Variants in DNAH9 observed in about 807,000 individuals in gnomAD.
DNAH9 encodes the protein dynein axonemal heavy chain 9.
DNAH9 carries 345 observed loss-of-function variants against 471.6 expected under a neutral mutation model. The observed-to-expected ratio is 0.73, with a 90% CI of 0.67 to 0.80. DNAH9 has a LOEUF of 0.80. Among genes scored for constraint, DNAH9 ranks in the 30% least tolerant of loss-of-function variants. The pLI is 0.00. For missense variants in DNAH9, 5,407 were observed against 5,609.2 expected, an observed-to-expected ratio of 0.96 and a Z score of 1.15; for synonymous variants, 2,093 against 2,123.6, an observed-to-expected ratio of 0.99 and a Z score of 0.40.
intron 41 of DNAH9, among the ~76,000 whole-genome samples, chr17:11,785,863 G>C (rs1003811700): frequency 6.6e-6 from 1 of 152,160 alleles, no homozygotes; most frequent in Non-Finnish European, 1.5e-5. Flanking sequence ...AGGAAAATAA[G>C]CATGTGATGG....
At chr17:11,799,444 G>A (rs745602117) in intron 43 of DNAH9, among the ~76,000 whole-genome samples, 18 of 152,066 alleles carry the variant, frequency 1.2e-4, no homozygotes, top group Non-Finnish European at 1.8e-4. Flanking sequence ...TCAGCTCCTT[G>A]CAAACTCTGC....
intron 61 of DNAH9, among the ~76,000 whole-genome samples, chr17:11,919,851 C>T (rs985488615): frequency 6.6e-6 from 1 of 151,836 alleles, no homozygotes; most frequent in African/African-American, 2.4e-5. Flanking sequence ...CAACATTTCA[C>T]TGAAGTAGAA....
At position 11,632,670 on chromosome 17, in the gene DNAH9, T is replaced by G. The variant is rs1313334054; in HGVS notation, c.1602T>G (p.Phe534Leu). The G allele has an allele frequency of 6.2e-7, 1 of 1,607,852 alleles. No homozygotes were observed. Among genetic ancestry groups the G allele is most frequent in the African/African-American group, 1.3e-5 (1 of 74,896 alleles). ...RRLGTIFIQA[F>L]DDAPGLEHAF... The stretch of plus-strand genomic sequence containing the variant: ...TGGGGACTATCTTTATTCAAGCTTT[T>G]GATGATGCACCTGGCTTGGAGCATG... Residue 534 changes from phenylalanine to leucine, a missense_variant, in exon 8 of 69, where the codon TTT (phenylalanine) becomes TTG (leucine). This residue lies in a region of DNAH9 where 767 missense variants were observed against 692.5 expected (regional missense o/e 1.11). Transcript: ENST00000262442.
At chr17:11,919,278 A>G (rs73298497) in intron 61 of DNAH9, among the ~76,000 whole-genome samples, 28,003 of 151,344 alleles carry the variant, frequency 0.19, 2,607 homozygotes, top group East Asian at 0.27. Context: ...AGCAGATCAC[A>G]AGGTCAGGAG....
chr17:11,768,800 A>G (rs1968077254), intron 37 of DNAH9, among the ~76,000 whole-genome samples, 174 bp downstream of exon 37: 1 of 152,166 alleles, frequency 6.6e-6, no homozygotes, highest in Non-Finnish European at 1.5e-5. Flanking sequence ...CACAGATTCT[A>G]CTAAAGGCCA....
At chr17:11,936,807 A>G (rs990597078) in intron 65 of DNAH9, among the ~76,000 whole-genome samples, 76 of 152,166 alleles carry the variant, frequency 5.0e-4, no homozygotes. Flanking sequence ...ACCTTTCACC[A>G]GGGGCGCAAA....
At chr17:11,758,095 G>T (rs1306582647) in intron 35 of DNAH9, among the ~76,000 whole-genome samples, 2 of 152,170 alleles carry the variant, frequency 1.3e-5, no homozygotes, top group Non-Finnish European at 2.9e-5. Flanking sequence ...ACTTATTGGT[G>T]ACCTGTGGGG....
In DNAH9 at chr17:11,598,885, T is replaced by A; in HGVS notation, c.387T>A (p.Pro129=). The part of the protein sequence containing the change: ...AVVCGDLPAA[P]LEHLAALFSE... ...TCTGCGGGGACCTGCCCGCGGCACC[T>A]CTGGAGCACCTAGCCGCGCTGTTCT... is the stretch of plus-strand genomic sequence containing the variant. Residue 129 remains proline, a synonymous_variant, in exon 1 of 69, where the codon CCT becomes CCA. Coordinates refer to ENST00000262442, the MANE Select transcript of DNAH9 (RefSeq NM_001372.4). 1 of 1,540,102 alleles carries A rather than the reference T, an allele frequency of 6.5e-7. No individual in the cohort carries two copies. The highest frequency in any genetic ancestry group is 2.5e-5 in the East Asian group (1 of 39,328).
Position 11,648,454 on chromosome 17 carries a change from A to G in DNAH9, c.2097+1256A>G, listed in dbSNP as rs138816303. ...GAATATCTGGATTACCAAGTAGGCC[A>G]CAGTTTCCATGTTGTAATATAGTAA... On this transcript the variant is annotated intron_variant, in intron 12 of 68. Transcript: ENST00000262442. Among the ~76,000 whole-genome samples, 541 of 152,240 alleles carry G rather than the reference A, an allele frequency of 3.6e-3. 3 individuals are homozygous for G. Among genetic ancestry groups the G allele is most frequent in the African/African-American group, 0.012 (499 of 41,552 alleles).
In DNAH9 at chr17:11,738,877, C is replaced by T; in HGVS notation, c.5815-3C>T. ...ATTTCTCGCTGATTGATTGGTTCACCAGGTAAAAAGCATTCAAGATGCGAT... is the reference window on the plus strand; with the variant it reads ...ATTTCTCGCTGATTGATTGGTTCACTAGGTAAAAAGCATTCAAGATGCGAT... On this transcript the variant is annotated splice_polypyrimidine_tract_variant and splice_region_variant and intron_variant, in intron 28 of 68. Coordinates refer to ENST00000262442, the MANE Select transcript of DNAH9 (RefSeq NM_001372.4). 3 of 1,613,454 alleles carry T rather than the reference C, an allele frequency of 1.9e-6. No homozygotes were observed. Among genetic ancestry groups the T allele is most frequent in the Non-Finnish European group, 1.7e-6 (2 of 1,179,628 alleles).
chr17:11,762,155 G>A (rs773292424), intron 35 of DNAH9, among the ~76,000 whole-genome samples: 2 of 152,222 alleles, frequency 1.3e-5, no homozygotes, highest in Non-Finnish European at 2.9e-5. Flanking sequence ...AGCATTTGTT[G>A]TAAGAATTGC....
intron 43 of DNAH9, 57 bp downstream of exon 43, chr17:11,797,850 G>T: frequency 6.5e-7 from 1 of 1,542,062 alleles, no homozygotes; most frequent in South Asian, 1.2e-5. Flanking sequence ...CAATGACAGG[G>T]GTCTCATTCG....
chr17:11,834,087 G>C (rs1970757920), intron 48 of DNAH9, among the ~76,000 whole-genome samples: 1 of 151,942 alleles, frequency 6.6e-6, no homozygotes, highest in African/African-American at 2.4e-5. Context: ...TCAACCCTTT[G>C]GGAGGCTGAG....
intron 67 of DNAH9, among the ~76,000 whole-genome samples, chr17:11,946,660 T>C (rs1244559751): frequency 1.1e-5 from 1 of 93,736 alleles, no homozygotes; most frequent in Non-Finnish European, 2.0e-5. Context: ...CAAGACTCCA[T>C]CTCAAAAAAA....
chr17:11,933,765 A>G (rs931408764), intron 64 of DNAH9, 115 bp from the exon 65 acceptor site: 36 of 933,524 alleles, frequency 3.9e-5, no homozygotes, highest in Non-Finnish European at 5.2e-5. Flanking sequence ...ATTGCTCTCA[A>G]TCTCAAGAAG....
rs1462569866 is a variant in DNAH9 at position 11,669,350 on chromosome 17, C to T, written c.2929-20C>T. 2 of 1,603,036 alleles carry T rather than the reference C, an allele frequency of 1.2e-6. No individual in the cohort carries two copies. Among genetic ancestry groups the T allele is most frequent in the South Asian group, 2.2e-5 (2 of 88,988 alleles). ...GCCACACACTGGTGTAACCTGCCTG[C>T]CGTTGTCTCGCTTCCCCAGGTCGAC... On this transcript the variant is annotated intron_variant, in intron 16 of 68. Transcript: ENST00000262442.
At chr17:11,675,928 A>T (rs2074042074) in intron 17 of DNAH9, among the ~76,000 whole-genome samples, 1 of 151,450 alleles carries the variant, frequency 6.6e-6, no homozygotes, top group African/African-American at 2.4e-5. Context: ...TGGTTTTGTA[A>T]TTGTGCTAGC....
intron 30 of DNAH9, among the ~76,000 whole-genome samples, chr17:11,744,267 T>C (rs2075480360): frequency 2.0e-5 from 3 of 152,188 alleles, no homozygotes; most frequent in Admixed American, 6.5e-5. Context: ...TCCCACACCA[T>C]GCTGCCACCT....
At chr17:11,812,006 AAAAAAAAAAAAAAAAAAAAAAT>A (rs1428817361) in intron 45 of DNAH9, among the ~76,000 whole-genome samples, 1 of 48,754 alleles carries the variant, frequency 2.1e-5, no homozygotes, top group African/African-American at 1.1e-4. Context: ...AAAAAAAAAA[AAAAAAAAAAAAAAAAAAAAAAT>A]ATATATATAT....
Sources: allele counts gnomAD v4.1 joint callset (sites outside exome capture counted in the v4.1 genomes callset), GRCh38; gene constraint gnomAD v4.1.1; regional missense constraint gnomAD v4.1.1; transcripts MANE v1.5; gene names NCBI Gene and HGNC (gene_info 2026-07-23, HGNC 2026-07-21).